Variants in CDK6 observed in about 807,000 individuals in gnomAD.
CDK6 encodes cyclin dependent kinase 6.
Under a neutral mutation model 37.1 loss-of-function variants are expected in CDK6, and 6 were observed. The ratio of observed to expected loss-of-function variants is 0.16; its 90% confidence interval spans 0.09 to 0.32. The LOEUF is 0.32. CDK6 is among the 10% of genes least tolerant of loss of function. The pLI is 1.00. For synonymous variants in CDK6, 160 were observed against 161.3 expected, an observed-to-expected ratio of 0.99 and a Z score of 0.06; for missense variants, 224 against 418.9, an observed-to-expected ratio of 0.53 and a Z score of 4.06.
chr7:92,810,688 C>A (rs530146546), intron 2 of CDK6, among the ~76,000 whole-genome samples: 1 of 152,058 alleles, frequency 6.6e-6, no homozygotes, highest in African/African-American at 2.4e-5. Flanking sequence ...AAGTTGTCAC[C>A]CAGGTTGGAA....
At chr7:92,650,410 G>T (rs1298946366) in intron 5 of CDK6, among the ~76,000 whole-genome samples, 1 of 151,906 alleles carries the variant, frequency 6.6e-6, no homozygotes, top group African/African-American at 2.4e-5. Context: ...TTTATTCCAC[G>T]ATCTTTTGTT....
At chr7:92,638,186 T>C (rs745970353) in intron 5 of CDK6, among the ~76,000 whole-genome samples, 15 of 152,218 alleles carry the variant, frequency 9.9e-5, no homozygotes, top group Admixed American at 2.0e-4. Context: ...CCAAAAGATA[T>C]AGAAAATAAA....
intron 4 of CDK6, among the ~76,000 whole-genome samples, chr7:92,717,415 AAGGG>A (rs934134943): frequency 1.1e-4 from 15 of 138,972 alleles, no homozygotes; most frequent in Admixed American, 5.7e-4. Context: ...GGAAGGAAGG[AAGGG>A]AGGGAGGGAG....
At chr7:92,763,210 C>T (rs1799501184) in intron 3 of CDK6, among the ~76,000 whole-genome samples, 1 of 152,214 alleles carries the variant, frequency 6.6e-6, no homozygotes. Flanking sequence ...ATTCTGAGTA[C>T]TCATGGCTTT....
chr7:92,790,108 T>C (rs1800244654), intron 2 of CDK6, among the ~76,000 whole-genome samples: 1 of 152,192 alleles, frequency 6.6e-6, no homozygotes, highest in Non-Finnish European at 1.5e-5. Flanking sequence ...TACCCAGTTA[T>C]CTCTTGGACA....
At chr7:92,799,620 A>G (rs1044626356) in intron 2 of CDK6, among the ~76,000 whole-genome samples, 1 of 152,158 alleles carries the variant, frequency 6.6e-6, no homozygotes, top group East Asian at 1.9e-4. Flanking sequence ...GGCAATTTTG[A>G]ACCGCCTGTG....
chr7:92,772,294 T>C (rs1036429996), intron 3 of CDK6, among the ~76,000 whole-genome samples: 1 of 152,136 alleles, frequency 6.6e-6, no homozygotes, highest in Non-Finnish European at 1.5e-5. Context: ...AACATGTAAG[T>C]TAACTGCCTG....
At chr7:92,783,167 G>C (rs1800039328) in intron 2 of CDK6, among the ~76,000 whole-genome samples, 2 of 152,178 alleles carry the variant, frequency 1.3e-5, no homozygotes, top group South Asian at 4.1e-4. Flanking sequence ...AGATGGACAA[G>C]TTTATCACAA....
intron 4 of CDK6, among the ~76,000 whole-genome samples, chr7:92,723,825 G>C (rs917419287): frequency 1.4e-5 from 2 of 147,680 alleles, no homozygotes; most frequent in Non-Finnish European, 3.0e-5. Flanking sequence ...GAAATAATTT[G>C]TCTACATTTT....
At chr7:92,701,396 TA>T (rs2116660682) in intron 4 of CDK6, among the ~76,000 whole-genome samples, 1 of 152,154 alleles carries the variant, frequency 6.6e-6, no homozygotes, top group Non-Finnish European at 1.5e-5. Flanking sequence ...TTGTGAAGTC[TA>T]AAGCTTACAC....
At chr7:92,773,102 C>T (rs1362661994) in intron 3 of CDK6, among the ~76,000 whole-genome samples, 1 of 152,062 alleles carries the variant, frequency 6.6e-6, no homozygotes. Flanking sequence ...GACAATGTGT[C>T]TTATTTACTT....
intron 1 of CDK6, among the ~76,000 whole-genome samples, chr7:92,836,261 T>C (rs1801669967): frequency 6.6e-6 from 1 of 151,230 alleles, no homozygotes; most frequent in Non-Finnish European, 1.5e-5. Context: ...ATAAGGAGAA[T>C]CCTCTAGCTC....
intron 4 of CDK6, chr7:92,710,751 C>T (rs11972740): frequency 0.097 from 95,872 of 984,856 alleles, 7,758 homozygotes; most frequent in African/African-American, 0.4. Context: ...TCTGTTTCTA[C>T]TGCCATGGAA....
chr7:92,605,528 C>T lies in CDK6; in HGVS notation c.*9612G>A, dbSNP rs1281082580. 4.3e-6 allele frequency: 1 copy of T among 233,002 alleles called. No individual in the cohort carries two copies. Among genetic ancestry groups the T allele is most frequent in the African/African-American group, 2.2e-5 (1 of 45,340 alleles). 14.4% of individuals were successfully genotyped at this position (233,002 alleles called of 1,614,324 possible). On this transcript the variant is annotated 3_prime_UTR_variant, in exon 8 of 8. Coordinates refer to ENST00000424848, the MANE Select transcript of CDK6 (RefSeq NM_001145306.2). ...TATTTTACGTTACATATTTACCCTACTTTTCTATTCTCCTCCTCAGATAGG... is the reference window on the plus strand; with the variant it reads ...TATTTTACGTTACATATTTACCCTATTTTTCTATTCTCCTCCTCAGATAGG...
intron 4 of CDK6, among the ~76,000 whole-genome samples, chr7:92,715,600 A>G (rs1219701674): frequency 6.6e-6 from 1 of 152,232 alleles, no homozygotes; most frequent in African/African-American, 2.4e-5. Context: ...GAAAGCAGAA[A>G]GCAGGAGCAA....
At chr7:92,626,258 T>C (rs1795925749) in intron 5 of CDK6, among the ~76,000 whole-genome samples, 1 of 152,052 alleles carries the variant, frequency 6.6e-6, no homozygotes, top group South Asian at 2.1e-4. Flanking sequence ...TATATAATTA[T>C]AATGTATGTA....
chr7:92,810,190 C>A (rs1371570394), intron 2 of CDK6, among the ~76,000 whole-genome samples: 2 of 152,178 alleles, frequency 1.3e-5, no homozygotes, highest in African/African-American at 2.4e-5. Flanking sequence ...GCCATTATAC[C>A]TCTAGTTTCC....
chr7:92,673,235 A>G (rs1305442846), intron 4 of CDK6, among the ~76,000 whole-genome samples: 1 of 152,244 alleles, frequency 6.6e-6, no homozygotes, highest in African/African-American at 2.4e-5. Flanking sequence ...CACAGAGCAG[A>G]ACTGCCAGCT....
intron 3 of CDK6, among the ~76,000 whole-genome samples, chr7:92,763,584 T>C (rs540786468): frequency 1.3e-5 from 2 of 152,336 alleles, no homozygotes; most frequent in East Asian, 1.9e-4. Flanking sequence ...TATTTTTCAA[T>C]AGAACATTTT....
Sources: allele counts gnomAD v4.1 joint callset (sites outside exome capture counted in the v4.1 genomes callset), GRCh38; gene constraint gnomAD v4.1.1; transcripts MANE v1.5; gene names NCBI Gene and HGNC (gene_info 2026-07-23, HGNC 2026-07-21).